The following BRI3BP variants were observed in gnomAD, a reference collection of about 807,000 sequenced individuals.
BRI3BP encodes the protein BRI3 binding protein.
Under a neutral mutation model 15.8 loss-of-function variants are expected in BRI3BP, and 7 were observed. The observed-to-expected ratio is 0.44, with a 90% CI of 0.25 to 0.83. BRI3BP has a LOEUF of 0.83. Among genes scored for constraint, BRI3BP ranks in the 40% least tolerant of loss-of-function variants. BRI3BP has a pLI of 0.20. For synonymous variants in BRI3BP, 192 were observed against 163.5 expected, an observed-to-expected ratio of 1.17 and a Z score of -1.33; for missense variants, 320 against 339.3, an observed-to-expected ratio of 0.94 and a Z score of 0.45.
At chr12:124,998,367 A>C (rs759556522) in intron 1 of BRI3BP, among the ~76,000 whole-genome samples, 22 of 152,198 alleles carry the variant, frequency 1.4e-4, no homozygotes, top group Non-Finnish European at 2.9e-4. Context: ...AAATGTCCCA[A>C]ATGTCTTATC....
chr12:125,049,114 A>G, the BRI3BP span, among the ~76,000 whole-genome samples: 6 of 152,140 alleles, frequency 3.9e-5, no homozygotes, highest in East Asian at 1.2e-3. Flanking sequence ...GGTGCCCGCC[A>G]CCACGCCTGG....
chr12:125,021,003 G>C (rs1326708489), intron 2 of BRI3BP, among the ~76,000 whole-genome samples: 2 of 152,186 alleles, frequency 1.3e-5, no homozygotes, highest in Non-Finnish European at 2.9e-5. Flanking sequence ...AAGCTCTGGG[G>C]ACGCTTCAAT....
intron 2 of BRI3BP, among the ~76,000 whole-genome samples, chr12:125,013,943 C>T (rs1239342515): frequency 6.6e-6 from 1 of 152,150 alleles, no homozygotes; most frequent in African/African-American, 2.4e-5. Flanking sequence ...GCCTGTGCTA[C>T]CCCCAGCCTT....
At chr12:125,016,969 G>A (rs1429407512) in intron 2 of BRI3BP, among the ~76,000 whole-genome samples, 1 of 150,592 alleles carries the variant, frequency 6.6e-6, no homozygotes, top group Non-Finnish European at 1.5e-5. Flanking sequence ...CCAACTAGCT[G>A]GGACCACAAG....
intron 2 of BRI3BP, among the ~76,000 whole-genome samples, chr12:125,018,040 C>T (rs534366683): frequency 2.4e-4 from 37 of 152,080 alleles, no homozygotes; most frequent in Non-Finnish European, 4.4e-4. Context: ...ATTCAGTAAA[C>T]ACTCGGGGGC....
At chr12:125,035,039 C>T (rs533080142), downstream of BRI3BP, among the ~76,000 whole-genome samples, 22 of 152,254 alleles carry the variant, frequency 1.4e-4, no homozygotes, top group South Asian at 2.5e-3. Flanking sequence ...TTCATTGCTG[C>T]GTAGTATTCC....
chr12:125,033,599 T>C (rs1955421330), downstream of BRI3BP, among the ~76,000 whole-genome samples: 1 of 152,054 alleles, frequency 6.6e-6, no homozygotes, highest in Admixed American at 6.6e-5. Context: ...CAGATCCTAC[T>C]GTGACTTATG....
intron 1 of BRI3BP, among the ~76,000 whole-genome samples, chr12:124,994,440 C>A (rs1339379533): frequency 6.6e-6 from 1 of 152,188 alleles, no homozygotes; most frequent in East Asian, 1.9e-4. Context: ...GACCCACTTC[C>A]CCTGGGACCT....
At chr12:125,032,247 G>A (rs553250682), downstream of BRI3BP, among the ~76,000 whole-genome samples, 372 of 152,162 alleles carry the variant, frequency 2.4e-3, no homozygotes, top group Non-Finnish European at 4.5e-3. Flanking sequence ...CGGATCACGA[G>A]GTCAAGAGAT....
chr12:125,006,242 C>T (rs1277449149), intron 1 of BRI3BP, among the ~76,000 whole-genome samples: 1 of 152,100 alleles, frequency 6.6e-6, no homozygotes, highest in Non-Finnish European at 1.5e-5. Flanking sequence ...CCATATTATT[C>T]CCCTTAGGGC....
rs1453343468 is a variant in BRI3BP, at chr12:125,029,560, ATATATATG to A, written c.*4138_*4145del. 7.1e-5 allele frequency: 10 copies of A among 141,616 alleles called. No individual in the cohort carries two copies. Among genetic ancestry groups the A allele is most frequent in the African/African-American group, 2.0e-4 (7 of 34,220 alleles). 8.8% of individuals were successfully genotyped at this position (141,616 alleles called of 1,614,324 possible). ...AAAAAAAAAAAGTGTGTGTGTGTGT[ATATATATG>A]TATATATATATACACACACACACAC... On this transcript the variant is annotated 3_prime_UTR_variant, in exon 3 of 3. Transcript: ENST00000341446.
rs1268047369 is a variant in BRI3BP, at chr12:125,029,298, G to A, written c.*3868G>A. The stretch of plus-strand genomic sequence containing the variant: ...GGAGGCCAAGGCGGGTGGATCACTT[G>A]CGGTCGGGAGTTCGAGACCAGCCTG... On this transcript the variant is annotated 3_prime_UTR_variant, in exon 3 of 3. Transcript: ENST00000341446. The A allele has an allele frequency of 6.8e-6, 1 of 147,924 alleles. No individual in the cohort carries two copies. Among genetic ancestry groups the A allele is most frequent in the African/African-American group, 2.5e-5 (1 of 39,842 alleles). 9.2% of individuals were successfully genotyped at this position (147,924 alleles called of 1,614,324 possible). A position where few individuals can be genotyped will look rare whatever the true frequency, so the allele number is the denominator to read the frequency against.
intron 1 of BRI3BP, among the ~76,000 whole-genome samples, chr12:124,994,797 G>C (rs758938385): frequency 6.6e-6 from 1 of 152,200 alleles, no homozygotes; most frequent in Non-Finnish European, 1.5e-5. Flanking sequence ...TTCCTTTGCT[G>C]TTCCCTGGGG....
At chr12:124,995,972 G>A (rs1026244013) in intron 1 of BRI3BP, among the ~76,000 whole-genome samples, 4 of 152,166 alleles carry the variant, frequency 2.6e-5, no homozygotes, top group Non-Finnish European at 5.9e-5. Flanking sequence ...GGAGTGCAGT[G>A]GAGTGATCTC....
At chr12:125,043,150 A>C in the BRI3BP span, among the ~76,000 whole-genome samples, 1 of 152,052 alleles carries the variant, frequency 6.6e-6, no homozygotes, top group Non-Finnish European at 1.5e-5. Flanking sequence ...TGGTGAAATA[A>C]CAATGTGTGG....
chr12:125,051,092 GAGCAT>G, the BRI3BP span, among the ~76,000 whole-genome samples: 1 of 152,214 alleles, frequency 6.6e-6, no homozygotes. Flanking sequence ...CAAGACAGCA[GAGCAT>G]AGCAAGCTTC....
At chr12:125,015,566 T>C (rs1955235410) in intron 2 of BRI3BP, among the ~76,000 whole-genome samples, 1 of 152,044 alleles carries the variant, frequency 6.6e-6, no homozygotes, top group Non-Finnish European at 1.5e-5. Context: ...GGGAAACCAT[T>C]ATACCATAGC....
rs754278632 is a variant in BRI3BP, at chr12:124,993,880, G to T, written c.90G>T (p.Pro30=). The change falls in exon 1 of 3, where the codon CCG becomes CCT. Residue 30 remains proline, a synonymous_variant. Transcript: ENST00000341446. ...LLLLLLGLLA[P]GAQGARGRGG... ...TGCTGCTGCTCGGGCTGCTGGCCCCGGGCGCGCAGGGGGCGCGGGGCCGCG... is the reference window on the plus strand; with the variant it reads ...TGCTGCTGCTCGGGCTGCTGGCCCCTGGCGCGCAGGGGGCGCGGGGCCGCG... 2.4e-6 allele frequency: 3 copies of T among 1,236,338 alleles called. No individual in the cohort carries two copies. The highest frequency in any genetic ancestry group is 5.2e-5 in the South Asian group (2 of 38,522). 76.6% of individuals were successfully genotyped at this position (1,236,338 alleles called of 1,614,324 possible).
At chr12:125,003,495 C>G (rs1424943437) in intron 1 of BRI3BP, among the ~76,000 whole-genome samples, 1 of 152,132 alleles carries the variant, frequency 6.6e-6, no homozygotes, top group Admixed American at 6.5e-5. Context: ...CTTGTTCACC[C>G]AGGTCTTCCC....
Sources: allele counts gnomAD v4.1 joint callset (sites outside exome capture counted in the v4.1 genomes callset), GRCh38; gene constraint gnomAD v4.1.1; transcripts MANE v1.5; gene names NCBI Gene and HGNC (gene_info 2026-07-23, HGNC 2026-07-21).